Variants in CDCA7L observed in about 807,000 individuals in gnomAD.
CDCA7L encodes cell division cycle-associated 7-like protein.
CDCA7L carries 44 observed loss-of-function variants against 57.4 expected under a neutral mutation model. The ratio of observed to expected loss-of-function variants is 0.77; its 90% CI spans 0.60 to 0.98. The LOEUF is 0.98. CDCA7L is among the 50% of genes least tolerant of loss of function. CDCA7L has a pLI of 0.00. For missense variants in CDCA7L, 644 were observed against 580.6 expected, an observed-to-expected ratio of 1.11 and a Z score of -1.12; for synonymous variants, 236 against 202.8, an observed-to-expected ratio of 1.16 and a Z score of -1.39.
chr7:21,902,716 T>G, intron 9 of CDCA7L: 4 of 496,448 alleles, frequency 8.1e-6, no homozygotes, highest in Non-Finnish European at 1.4e-5. Context: ...TCCTTCCATT[T>G]CTGTCATACA....
intron 4 of CDCA7L, 55 bp downstream of exon 4, chr7:21,908,075 C>T: frequency 6.7e-7 from 1 of 1,488,864 alleles, no homozygotes; most frequent in South Asian, 1.4e-5. Context: ...GGGAGCCCAG[C>T]AACTGCTGCC....
rs569390424 is a variant in CDCA7L, at chr7:21,927,173, A to T, written c.25-10279T>A. On this transcript the variant is annotated intron_variant, in intron 1 of 9. Coordinates refer to ENST00000406877, the MANE Select transcript of CDCA7L (RefSeq NM_018719.5). ...CAAAGAAGCAAAATTAATTGACAGA[A>T]ACTTTCCCAGAGGAAAACACTGGAC... Among the ~76,000 whole-genome samples the T allele has an allele frequency of 4.7e-4, 72 of 152,340 alleles. 1 individual carries two copies. The highest frequency in any genetic ancestry group is 4.7e-3 in the Admixed American group (72 of 15,304).
At chr7:21,928,975 G>C (rs759080603) in intron 1 of CDCA7L, among the ~76,000 whole-genome samples, 12 of 152,032 alleles carry the variant, frequency 7.9e-5, no homozygotes, top group African/African-American at 1.7e-4. Flanking sequence ...GATACTCCTC[G>C]AGAAGAGCAA....
At chr7:21,914,757 G>A (rs575535741) in intron 2 of CDCA7L, among the ~76,000 whole-genome samples, 44 of 152,322 alleles carry the variant, frequency 2.9e-4, no homozygotes, top group African/African-American at 1.1e-3. Context: ...CTGAACGTCA[G>A]TTTCATCACT....
At chr7:21,920,666 T>C (rs1200810552) in intron 1 of CDCA7L, among the ~76,000 whole-genome samples, 2 of 152,214 alleles carry the variant, frequency 1.3e-5, no homozygotes, top group Non-Finnish European at 2.9e-5. Context: ...AACTCTGACA[T>C]CATTCTTGGG....
chr7:21,917,417 G>C (rs1205188785), intron 1 of CDCA7L, among the ~76,000 whole-genome samples: 1 of 152,148 alleles, frequency 6.6e-6, no homozygotes, highest in Non-Finnish European at 1.5e-5. Flanking sequence ...TAAGTAGCTG[G>C]GGATTAATTC....
chr7:21,909,659 T>C (rs1277131686), intron 3 of CDCA7L, among the ~76,000 whole-genome samples: 2 of 152,198 alleles, frequency 1.3e-5, no homozygotes, highest in Admixed American at 6.5e-5. Flanking sequence ...GAATTCAAAA[T>C]GGTGTACTGC....
intron 3 of CDCA7L, among the ~76,000 whole-genome samples, chr7:21,908,850 A>C (rs1785225866): frequency 6.6e-6 from 1 of 152,210 alleles, no homozygotes; most frequent in African/African-American, 2.4e-5. Context: ...ACAGTCACAG[A>C]AAAGGAGAGA....
intron 1 of CDCA7L, among the ~76,000 whole-genome samples, chr7:21,944,207 G>A (rs890128924): frequency 2.0e-4 from 30 of 151,496 alleles, no homozygotes; most frequent in Middle Eastern, 3.4e-3. Flanking sequence ...GGGAGGCCGA[G>A]GCAGGTGGAT....
chr7:21,945,643 C>CTGT, intron 1 of CDCA7L, 138 bp downstream of exon 1: 1 of 1,095,576 alleles, frequency 9.1e-7, no homozygotes, highest in African/African-American at 1.7e-5. Flanking sequence ...CACTCCGGCA[C>CTGT]TCAACCGGCT....
At chr7:21,916,980 C>A in intron 1 of CDCA7L, 86 bp from the exon 2 acceptor site, 1 of 1,480,738 alleles carries the variant, frequency 6.8e-7, no homozygotes, top group Non-Finnish European at 9.3e-7. Flanking sequence ...GGAGAGATCT[C>A]ATCACTTCAT....
rs1784786213 is a variant in CDCA7L at position 21,900,976 on chromosome 7, C to A, written c.*1346G>T. 2 of 1,537,864 alleles carry A rather than the reference C, an allele frequency of 1.3e-6. No individual in the cohort carries two copies. The highest frequency in any genetic ancestry group is 1.7e-6 in the Non-Finnish European group (2 of 1,143,390). On this transcript the variant is annotated 3_prime_UTR_variant, in exon 10 of 10. Transcript: ENST00000406877. ...CATTATCATTAGTAGCAAGCTGCCA[C>A]ACAATTGCAACCGCTGTGTTTTTGC...
chr7:21,934,582 C>T (rs1450637712), intron 1 of CDCA7L, among the ~76,000 whole-genome samples: 1 of 152,146 alleles, frequency 6.6e-6, no homozygotes, highest in African/African-American at 2.4e-5. Context: ...CCAGTAATTA[C>T]TTTAAATTTA....
chr7:21,945,611 G>A (rs1393051002), intron 1 of CDCA7L, among the ~76,000 whole-genome samples, 170 bp downstream of exon 1: 3 of 152,138 alleles, frequency 2.0e-5, no homozygotes, highest in Non-Finnish European at 4.4e-5. Flanking sequence ...GTGACCCACT[G>A]CGCACACCTG....
intron 1 of CDCA7L, among the ~76,000 whole-genome samples, chr7:21,936,657 T>G (rs574811979): frequency 6.6e-6 from 1 of 151,500 alleles, no homozygotes; most frequent in South Asian, 2.1e-4. Context: ...GAAGGAAACT[T>G]AAACTCACCA....
Position 21,902,277 on chromosome 7 carries a change from T to TTGGAGTACTCTATGG in CDCA7L, c.*30_*44dup. 6.4e-7 allele frequency: 1 copy of TTGGAGTACTCTATGG among 1,560,878 alleles called. No individual in the cohort carries two copies. The highest frequency in any genetic ancestry group is 8.8e-7 in the Non-Finnish European group (1 of 1,131,936). ...AGGCACCAATGGTATGCATGTCTTGTTGGAGTACTCTATGGTGAGGTGGCT... is the reference window on the plus strand; with the variant it reads ...AGGCACCAATGGTATGCATGTCTTGTTGGAGTACTCTATGGTGGAGTACTCTATGGTGAGGTGGCT... On this transcript the variant is annotated 3_prime_UTR_variant, in exon 10 of 10. Coordinates refer to ENST00000406877, the MANE Select transcript of CDCA7L (RefSeq NM_018719.5).
rs768624169 is a variant in CDCA7L, at chr7:21,901,088, C to CAA, written c.*1232_*1233dup. On this transcript the variant is annotated 3_prime_UTR_variant, in exon 10 of 10. Coordinates refer to ENST00000406877, the MANE Select transcript of CDCA7L (RefSeq NM_018719.5). ...GCATGCCCTATGCCGGTCATCTTTG[C>CAA]AAAAGCCACCCCCGTGGACAGACAA... The CAA allele has an allele frequency of 1.9e-6, 3 of 1,613,966 alleles. No homozygotes were observed. The highest frequency in any genetic ancestry group is 2.5e-6 in the Non-Finnish European group (3 of 1,179,842).
intron 1 of CDCA7L, among the ~76,000 whole-genome samples, chr7:21,944,276 T>TAA (rs34883298): frequency 8.9e-4 from 121 of 135,374 alleles, no homozygotes; most frequent in African/African-American, 3.3e-3. Context: ...CTGTCTCTAC[T>TAA]AAAAAAAAAA....
intron 1 of CDCA7L, among the ~76,000 whole-genome samples, chr7:21,924,059 G>A (rs1785751848): frequency 6.6e-6 from 1 of 152,108 alleles, no homozygotes. Flanking sequence ...GTGAAGTATT[G>A]TTCATTTAAA....
Sources: allele counts gnomAD v4.1 joint callset (sites outside exome capture counted in the v4.1 genomes callset), GRCh38; gene constraint gnomAD v4.1.1; transcripts MANE v1.5; gene names NCBI Gene and HGNC (gene_info 2026-07-23, HGNC 2026-07-21).